BMP2: variants seen among roughly 807,000 people sequenced by gnomAD.
BMP2 encodes the protein bone morphogenetic protein 2.
Under a neutral mutation model 28.8 loss-of-function variants are expected in BMP2, and 2 were observed. That is an observed-to-expected ratio of 0.07 (90% confidence interval 0.03 to 0.22). The LOEUF (loss-of-function observed/expected upper bound fraction) is 0.22, where lower values mean the gene tolerates loss of function less well. Among genes scored for constraint, BMP2 ranks in the 10% least tolerant of loss-of-function variants. The pLI is 1.00. For missense variants in BMP2, 437 were observed against 517.7 expected (o/e 0.84, Z 1.51); for synonymous variants, 218 against 204.3 (o/e 1.07, Z -0.57).
At chr20:6,769,342 G>A (rs1362246161) in intron 1 of BMP2, among the ~76,000 whole-genome samples, 1 of 151,944 alleles carries the variant, frequency 6.6e-6, no homozygotes, top group African/African-American at 2.4e-5. Context: ...AGTACTAGGA[G>A]TTTGGGGTTC....
chr20:6,779,143 G>C lies in BMP2; in HGVS notation c.*54G>C. On this transcript the variant is annotated 3_prime_UTR_variant, in exon 3 of 3. Coordinates refer to ENST00000378827, the MANE Select transcript of BMP2 (RefSeq NM_001200.4). ...ATATATATATATATTTTAGAAAAAA[G>C]AAAAAAACAAACAAACAAAAAAACC... is the stretch of plus-strand genomic sequence containing the variant. 3.2e-6 allele frequency: 3 copies of C among 929,596 alleles called. No individual in the cohort carries two copies. 57.6% of individuals were successfully genotyped at this position (929,596 alleles called of 1,614,324 possible).
rs1986552249 is a variant in BMP2 at position 6,778,569 on chromosome 20, A to G, written c.671A>G (p.His224Arg). Residue 224 changes from histidine to arginine, a missense_variant, in exon 3 of 3, where the codon CAT becomes CGT. Physicochemically the swap from His to Arg is conservative, Grantham distance 29. Transcript: ENST00000378827. This position sits in a 1 kb window ranked among gnomAD's most constrained non-coding sequence, Gnocchi z 5.0. ...MRWTAQGHAN[H>R]GFVVEVAHLE... ...TGGACTGCACAGGGACACGCCAACC[A>G]TGGATTCGTGGTGGAAGTGGCCCAC... is the stretch of plus-strand genomic sequence containing the variant. 3.1e-6 allele frequency: 5 copies of G among 1,614,024 alleles called. No individual in the cohort carries two copies. The highest frequency in any genetic ancestry group is 1.3e-5 in the African/African-American group (1 of 74,920).
rs148136029 is a variant in BMP2 at position 6,768,000 on chromosome 20, T to G, written c.-883T>G. ...GACGGGCGCGCAGAGCGCCGGGGAC[T>G]CCGGAGCCGATCCCTAGCGCCGCGA... On this transcript the variant is annotated 5_prime_UTR_variant, in exon 1 of 3. Coordinates refer to ENST00000378827, the MANE Select transcript of BMP2 (RefSeq NM_001200.4). The G allele has an allele frequency of 1.4e-3, 568 of 397,198 alleles. No homozygotes were observed. The highest frequency in any genetic ancestry group is 8.9e-3 in the Middle Eastern group (14 of 1,578). The allele number at this position is 397,198 out of a possible 1,614,324, so 24.6% of individuals were successfully genotyped here.
rs1460054847 is a variant in BMP2 at position 6,770,352 on chromosome 20, C to G, written c.226C>G (p.Pro76Ala). 6.2e-7 allele frequency: 1 copy of G among 1,613,308 alleles called. No homozygotes were observed. Among genetic ancestry groups the G allele is most frequent in the Admixed American group, 1.7e-5 (1 of 60,000 alleles). The change falls in exon 2 of 3, where the codon CCC becomes GCC. Residue 76 changes from proline to alanine, a missense_variant. Transcript: ENST00000378827. Reference protein sequence around the residue: ...RPTPSRDAVVPPYMLDLYRRH... With the variant: ...RPTPSRDAVVAPYMLDLYRRH... ...CACCCCCAGCAGGGACGCCGTGGTG[C>G]CCCCCTACATGCTAGACCTGTATCG...
intron 2 of BMP2, among the ~76,000 whole-genome samples, 182 bp downstream of exon 2, chr20:6,770,654 C>T (rs137955495): frequency 6.6e-6 from 1 of 152,296 alleles, no homozygotes; most frequent in East Asian, 1.9e-4. Context: ...GTGGGGGAGC[C>T]AGGGATTCCC....
intron 2 of BMP2, among the ~76,000 whole-genome samples, chr20:6,773,570 GA>G (rs2122382124): frequency 6.6e-6 from 1 of 152,326 alleles, no homozygotes; most frequent in African/African-American, 2.4e-5. Flanking sequence ...TATTTTCACT[GA>G]GACAATAAGA....
At chr20:6,775,155 A>G (rs1402692096) in intron 2 of BMP2, among the ~76,000 whole-genome samples, 1 of 152,178 alleles carries the variant, frequency 6.6e-6, no homozygotes, top group Admixed American at 6.5e-5. Flanking sequence ...AAAAGCATAC[A>G]TTACTTGAGG....
chr20:6,771,433 AAG>A (rs1986398720), intron 2 of BMP2, among the ~76,000 whole-genome samples: 1 of 152,218 alleles, frequency 6.6e-6, no homozygotes, highest in Admixed American at 6.5e-5. Flanking sequence ...ATTCCTAGAA[AAG>A]AGTACAAAAG....
Position 6,767,919 on chromosome 20 carries a change from G to C in BMP2, c.-964G>C, listed in dbSNP as rs1446811850. On this transcript the variant is annotated 5_prime_UTR_variant, in exon 1 of 3. Coordinates refer to ENST00000378827, the MANE Select transcript of BMP2 (RefSeq NM_001200.4). ...AGACCCCGCGCGGGCTGGAGCACCCGGCAGAGCGCGCCACAGCGCCGTGGC... is the reference window on the plus strand; with the variant it reads ...AGACCCCGCGCGGGCTGGAGCACCCCGCAGAGCGCGCCACAGCGCCGTGGC... 7.8e-6 allele frequency: 3 copies of C among 384,680 alleles called. No individual in the cohort carries two copies. Among genetic ancestry groups the C allele is most frequent in the Admixed American group, 9.0e-5 (2 of 22,184 alleles). The allele number at this position is 384,680 out of a possible 1,614,324, so 23.8% of individuals were successfully genotyped here. A position where few individuals can be genotyped will look rare whatever the true frequency, so the allele number is the denominator to read the frequency against.
Position 6,767,833 on chromosome 20 carries a change from G to T in BMP2, c.-1050G>T, listed in dbSNP as rs1303997604. 2 of 341,804 alleles carry T rather than the reference G, an allele frequency of 5.9e-6. No homozygotes were observed. The highest frequency in any genetic ancestry group is 1.1e-5 in the Non-Finnish European group (2 of 190,262). 21.2% of individuals were successfully genotyped at this position (341,804 alleles called of 1,614,324 possible). A position where few individuals can be genotyped will look rare whatever the true frequency, so the allele number is the denominator to read the frequency against. On this transcript the variant is annotated 5_prime_UTR_variant, in exon 1 of 3. Transcript: ENST00000378827. ...CCGCCACAGCCTCCGCCGGCTACCC[G>T]AACGTTCTCGGGGCCAGCGCCGAGT...
chr20:6,770,611 T>G, intron 2 of BMP2, 139 bp downstream of exon 2: 1 of 848,826 alleles, frequency 1.2e-6, no homozygotes, highest in Non-Finnish European at 1.7e-6. Context: ...GTACTATCGT[T>G]TCTGAATCTG....
At chr20:6,770,063 G>A in intron 1 of BMP2, 57 bp from the exon 2 acceptor site, 2 of 1,464,022 alleles carry the variant, frequency 1.4e-6, no homozygotes, top group Non-Finnish European at 1.8e-6. Flanking sequence ...CCGCGGGGGC[G>A]CGAGGGGGGA....
rs1281373288 is a variant in BMP2 at position 6,768,157 on chromosome 20, T to C, written c.-726T>C. ...CGAGGGGAGAGCACAGCCACCCGCC[T>C]CGGCGGCCCGGGACTCGGCTCGACT... On this transcript the variant is annotated 5_prime_UTR_variant, in exon 1 of 3. Transcript: ENST00000378827. The C allele has an allele frequency of 3.3e-5, 13 of 397,748 alleles. No homozygotes were observed. Among genetic ancestry groups the C allele is most frequent in the Non-Finnish European group, 4.9e-5 (11 of 225,712 alleles). 24.6% of individuals were successfully genotyped at this position (397,748 alleles called of 1,614,324 possible). A position where few individuals can be genotyped will look rare whatever the true frequency, so the allele number is the denominator to read the frequency against.
Position 6,768,286 on chromosome 20 carries a change from G to C in BMP2, c.-597G>C, listed in dbSNP as rs1430771127. On this transcript the variant is annotated 5_prime_UTR_variant, in exon 1 of 3. Transcript: ENST00000378827. ...TGGAGTAAGGCAGAGTGATGCGGGG[G>C]GGCAACTCGCCTGGCACCGAGATCG... 3 of 397,992 alleles carry C rather than the reference G, an allele frequency of 7.5e-6. No individual in the cohort carries two copies. The highest frequency in any genetic ancestry group is 1.3e-5 in the Non-Finnish European group (3 of 225,804). The allele number at this position is 397,992 out of a possible 1,614,324, so 24.7% of individuals were successfully genotyped here.
At position 6,767,854 on chromosome 20, in the gene BMP2, C is replaced by G. The variant is rs1167286853; in HGVS notation, c.-1029C>G. On this transcript the variant is annotated 5_prime_UTR_variant, in exon 1 of 3. Coordinates refer to ENST00000378827, the MANE Select transcript of BMP2 (RefSeq NM_001200.4). The stretch of plus-strand genomic sequence containing the variant: ...ACCCGAACGTTCTCGGGGCCAGCGC[C>G]GAGTGGATCACCGGGGACCGCGAGG... 2 of 351,628 alleles carry G rather than the reference C, an allele frequency of 5.7e-6. No homozygotes were observed. The highest frequency in any genetic ancestry group is 8.6e-5 in the East Asian group (2 of 23,262). The allele number at this position is 351,628 out of a possible 1,614,324, so 21.8% of individuals were successfully genotyped here.
intron 1 of BMP2, 67 bp downstream of exon 1, chr20:6,768,942 G>A (rs898180356): frequency 3.3e-5 from 13 of 398,392 alleles, no homozygotes; most frequent in Admixed American, 1.8e-4. Context: ...AGCCACTGCG[G>A]TAGAGCCCTT....
intron 2 of BMP2, among the ~76,000 whole-genome samples, chr20:6,776,244 G>C (rs1246456003): frequency 6.6e-6 from 1 of 152,098 alleles, no homozygotes; most frequent in Non-Finnish European, 1.5e-5. Context: ...GTGGAGTTTA[G>C]AATGTGGATG....
At chr20:6,776,469 C>CA (rs1159612717) in intron 2 of BMP2, among the ~76,000 whole-genome samples, 2 of 152,128 alleles carry the variant, frequency 1.3e-5, no homozygotes, top group Non-Finnish European at 2.9e-5. Flanking sequence ...TATTATTTAA[C>CA]AAAAAGGCAC....
Position 6,770,414 on chromosome 20 carries a change from C to G in BMP2, c.288C>G (p.Asp96Glu). The G allele has an allele frequency of 1.2e-6, 2 of 1,611,416 alleles. No homozygotes were observed. Among genetic ancestry groups the G allele is most frequent in the South Asian group, 2.2e-5 (2 of 90,944 alleles). ...GTCAGCCGGGCTCACCCGCCCCAGACCACCGGTTGGAGAGGGCAGCCAGCC... is the reference window on the plus strand; with the variant it reads ...GTCAGCCGGGCTCACCCGCCCCAGAGCACCGGTTGGAGAGGGCAGCCAGCC... ...HSGQPGSPAP[D>E]HRLERAASRA... Residue 96 changes from aspartate (D) to glutamate (E), a missense_variant, in exon 2 of 3, where the codon GAC (aspartate) becomes GAG (glutamate). By Grantham distance (45) the Asp-to-Glu change is conservative. Coordinates refer to ENST00000378827, the MANE Select transcript of BMP2 (RefSeq NM_001200.4).
Sources: gnomAD v4.1 joint callset for allele counts (sites outside exome capture counted in the v4.1 genomes callset) on GRCh38, gnomAD v4.1.1 for gene constraint, Gnocchi (gnomAD v3.1) non-coding constraint, MANE v1.5 for transcripts, NCBI Gene and HGNC (gene_info 2026-07-23, HGNC 2026-07-21) for gene names.